The following HPSE2 variants were observed in gnomAD, a reference collection of about 807,000 sequenced individuals.
HPSE2 encodes inactive heparanase-2.
Under a neutral mutation model 60.5 loss-of-function variants are expected in HPSE2, and 38 were observed. The observed-to-expected ratio is 0.63, with a 90% CI of 0.48 to 0.82. The LOEUF is 0.82. Among genes scored for constraint, HPSE2 ranks in the 40% least tolerant of loss-of-function variants. HPSE2 has a pLI of 0.00. For synonymous variants in HPSE2, 295 were observed against 293.2 expected (o/e 1.01, Z -0.06); for missense variants, 713 against 740.4 (o/e 0.96, Z 0.43).
intron 3 of HPSE2, among the ~76,000 whole-genome samples, chr10:98,829,782 C>T (rs1223167814): frequency 6.6e-6 from 1 of 152,120 alleles, no homozygotes; most frequent in Non-Finnish European, 1.5e-5. Context: ...GATTTTTCAA[C>T]ACTACTTATA....
intron 3 of HPSE2, among the ~76,000 whole-genome samples, chr10:99,082,470 G>A (rs1255518428): frequency 2.0e-5 from 3 of 152,136 alleles, no homozygotes; most frequent in African/African-American, 7.2e-5. Flanking sequence ...TGTTGCTACT[G>A]CTTTCTTAGA....
intron 3 of HPSE2, among the ~76,000 whole-genome samples, chr10:98,908,608 G>A (rs556349796): frequency 4.0e-5 from 6 of 149,194 alleles, no homozygotes; most frequent in Admixed American, 2.0e-4. Context: ...ACTTGAATCC[G>A]GGAGGTGGAG....
At chr10:98,828,317 T>C (rs1013393393) in intron 3 of HPSE2, among the ~76,000 whole-genome samples, 1 of 152,208 alleles carries the variant, frequency 6.6e-6, no homozygotes, top group Non-Finnish European at 1.5e-5. Context: ...AATGAAAATT[T>C]CAAGGATGGT....
At chr10:98,521,979 G>A (rs1942808920) in intron 9 of HPSE2, among the ~76,000 whole-genome samples, 1 of 152,070 alleles carries the variant, frequency 6.6e-6, no homozygotes, top group Non-Finnish European at 1.5e-5. Flanking sequence ...ACCGAGGCCT[G>A]TCAGGGGGTG....
chr10:98,706,584 T>A (rs1462836462), intron 5 of HPSE2, among the ~76,000 whole-genome samples: 1 of 152,178 alleles, frequency 6.6e-6, no homozygotes, highest in Non-Finnish European at 1.5e-5. Flanking sequence ...TGCCTTATGG[T>A]GTCAGAAGGA....
chr10:98,537,510 T>G (rs1943320001), intron 9 of HPSE2, among the ~76,000 whole-genome samples: 1 of 152,196 alleles, frequency 6.6e-6, no homozygotes, highest in South Asian at 2.1e-4. Flanking sequence ...ATCATTAGCT[T>G]TTAATATTAC....
At chr10:98,985,887 G>A (rs992038483) in intron 3 of HPSE2, among the ~76,000 whole-genome samples, 2 of 152,032 alleles carry the variant, frequency 1.3e-5, no homozygotes, top group African/African-American at 4.8e-5. Context: ...GATCAAAAGA[G>A]ATAAAGAAGG....
intron 3 of HPSE2, among the ~76,000 whole-genome samples, chr10:99,095,327 T>G (rs1843684173): frequency 6.6e-6 from 1 of 152,248 alleles, no homozygotes; most frequent in Non-Finnish European, 1.5e-5. Flanking sequence ...CTTTTTAGTT[T>G]AACATTCACT....
chr10:98,998,861 C>G (rs1236541418), intron 3 of HPSE2, among the ~76,000 whole-genome samples: 1 of 152,172 alleles, frequency 6.6e-6, no homozygotes, highest in African/African-American at 2.4e-5. Flanking sequence ...TCCTGGATCC[C>G]AAAGCATACT....
In HPSE2 at chr10:98,859,504, T is replaced by C. The variant is rs527241102; in HGVS notation, c.611-115448A>G. Among the ~76,000 whole-genome samples the C allele has an allele frequency of 3.3e-5, 5 of 152,266 alleles. No homozygotes were observed. The South Asian group carries it at 1.0e-3, about 32-fold the overall frequency. ...TCATCTAATCCTTTGAGAGCCCAAA[T>C]AGTATAAAAAGTGGAGAAGTAGAAA... On this transcript the variant is annotated intron_variant, in intron 3 of 11. Transcript: ENST00000370552.
At chr10:98,461,777 C>T (rs375352081) in intron 11 of HPSE2, 2 of 1,589,450 alleles carry the variant, frequency 1.3e-6, no homozygotes, top group Non-Finnish European at 1.7e-6. Context: ...AGGTAATGCC[C>T]TTTTAGATTC....
At position 98,699,033 on chromosome 10, in the gene HPSE2, T is replaced by A. The variant is rs928602770; in HGVS notation, c.957-5086A>T. The stretch of plus-strand genomic sequence containing the variant: ...CAAACAAAAAGAGTCCAGGACCAGA[T>A]GGATTCACAGCCGAATTCTACCAGA... On this transcript the variant is annotated intron_variant, in intron 5 of 11. Transcript: ENST00000370552. Among the ~76,000 whole-genome samples, 5 of 152,092 alleles carry A rather than the reference T, an allele frequency of 3.3e-5. No individual in the cohort carries two copies. The East Asian group carries it at 9.7e-4, about 30-fold the overall frequency.
chr10:98,995,295 C>G (rs1956618998), intron 3 of HPSE2, among the ~76,000 whole-genome samples: 1 of 152,150 alleles, frequency 6.6e-6, no homozygotes, highest in Non-Finnish European at 1.5e-5. Context: ...GGTTTCCTTA[C>G]CTTTAAATGT....
chr10:98,768,335 A>G (rs1950170127), intron 3 of HPSE2, among the ~76,000 whole-genome samples: 2 of 152,140 alleles, frequency 1.3e-5, no homozygotes, highest in African/African-American at 2.4e-5. Flanking sequence ...GTCTCCGGAG[A>G]GAAGGGCTGG....
intron 3 of HPSE2, among the ~76,000 whole-genome samples, chr10:99,037,970 C>A (rs1564755514): frequency 6.6e-6 from 1 of 151,968 alleles, no homozygotes; most frequent in African/African-American, 2.4e-5. Context: ...TAGGGAAATG[C>A]AAATTAAGAC....
At chr10:99,123,791 T>C (rs1285857325) in intron 3 of HPSE2, among the ~76,000 whole-genome samples, 4 of 152,152 alleles carry the variant, frequency 2.6e-5, no homozygotes, top group Non-Finnish European at 5.9e-5. Context: ...GCAGTCCTAG[T>C]CACAGGCAAG....
intron 3 of HPSE2, among the ~76,000 whole-genome samples, chr10:98,763,630 G>A (rs1355189290): frequency 3.3e-5 from 5 of 151,800 alleles, no homozygotes; most frequent in East Asian, 1.9e-4. Flanking sequence ...TTTTTCTGAC[G>A]AGAAAAGAGG....
In HPSE2 at chr10:99,010,163, C is replaced by G. The variant is rs535783906; in HGVS notation, c.610+134075G>C. Among the ~76,000 whole-genome samples the G allele has an allele frequency of 4.2e-4, 64 of 152,322 alleles. 1 individual carries two copies. The highest frequency in any genetic ancestry group is 2.5e-3 in the Admixed American group (38 of 15,298). On this transcript the variant is annotated intron_variant, in intron 3 of 11. Coordinates refer to ENST00000370552, the MANE Select transcript of HPSE2 (RefSeq NM_021828.5). ...GATTTACTGTGCTTAAAGAGGACAT[C>G]AAATGAAACTTGTAGCAATCATTGT...
chr10:99,299,570 T>C, the HPSE2 span, among the ~76,000 whole-genome samples: 1 of 152,190 alleles, frequency 6.6e-6, no homozygotes, highest in Non-Finnish European at 1.5e-5. Context: ...GTATTGCTCA[T>C]GAACATGCAG....
Sources: allele counts gnomAD v4.1 joint callset (sites outside exome capture counted in the v4.1 genomes callset), GRCh38; gene constraint gnomAD v4.1.1; transcripts MANE v1.5; gene names NCBI Gene and HGNC (gene_info 2026-07-23, HGNC 2026-07-21).